The following SATB2 variants were observed in gnomAD, a reference collection of about 807,000 sequenced individuals.
SATB2 encodes the protein SATB homeobox 2.
SATB2 carries 1 observed loss-of-function variant against 73.4 expected under a neutral mutation model. That is an observed-to-expected ratio of 0.01 (90% CI 0.00 to 0.06). The LOEUF is 0.06. Ranked by LOEUF, SATB2 falls within the 10% of genes least tolerant of loss-of-function variation. SATB2 has a pLI of 1.00. For missense variants in SATB2, 459 were observed against 945.8 expected, an observed-to-expected ratio of 0.49 and a Z score of 6.75; for synonymous variants, 397 against 367.0, an observed-to-expected ratio of 1.08 and a Z score of -0.93.
chr2:199,323,476 T>TACACACAC (rs1553546876), intron 9 of SATB2, among the ~76,000 whole-genome samples: 7 of 142,846 alleles, frequency 4.9e-5, no homozygotes, highest in South Asian at 2.3e-4. Context: ...GTTTTGTTCA[T>TACACACAC]ACACACACAC....
intron 2 of SATB2, among the ~76,000 whole-genome samples, chr2:199,442,934 C>G (rs371450257): frequency 7.4e-6 from 1 of 134,506 alleles, no homozygotes; most frequent in East Asian, 2.0e-4. Flanking sequence ...GACTCGACCA[C>G]ATGTTAAAAA....
intron 6 of SATB2, among the ~76,000 whole-genome samples, chr2:199,354,145 A>C (rs551386948): frequency 1.3e-5 from 2 of 152,168 alleles, no homozygotes; most frequent in Admixed American, 1.3e-4. Flanking sequence ...ATCACTTGAG[A>C]TCAGGAGTTC....
intron 10 of SATB2, among the ~76,000 whole-genome samples, chr2:199,273,727 G>T (rs1431269599): frequency 6.6e-6 from 1 of 151,584 alleles, no homozygotes; most frequent in Non-Finnish European, 1.5e-5. Context: ...TAATTTCTGG[G>T]TTTTTTTTCT....
rs955377212 is a variant in SATB2 at position 199,456,209 on chromosome 2, C to G, written c.-59-113G>C. On this transcript the variant is annotated intron_variant, in intron 1 of 10. Coordinates refer to ENST00000417098, the MANE Select transcript of SATB2 (RefSeq NM_001172509.2). ...GAGCGCTGCACCACAGCCACACAAA[C>G]TTCCTCCCACGCTGCCCGAGGGGCC... is the stretch of plus-strand genomic sequence containing the variant. 4.2e-6 allele frequency: 3 copies of G among 711,830 alleles called. No homozygotes were observed. The African/African-American group carries it at 5.3e-5, about 12-fold the overall frequency. 44.1% of individuals were successfully genotyped at this position (711,830 alleles called of 1,614,324 possible).
chr2:199,342,426 TAAA>T (rs532281689), intron 7 of SATB2, among the ~76,000 whole-genome samples: 2 of 122,368 alleles, frequency 1.6e-5, no homozygotes, highest in African/African-American at 3.0e-5. Flanking sequence ...AAAGACTAGC[TAAA>T]AAAAAAAAAA....
rs114124633 is a variant in SATB2 at position 199,413,555 on chromosome 2, C to T, written c.346+19783G>A. ...ACAGTGCTCCTTACCTACCCAATGT[C>T]CACTTTTCCTACTAGAGAGTCGCTT... On this transcript the variant is annotated intron_variant, in intron 3 of 10. Coordinates refer to ENST00000417098, the MANE Select transcript of SATB2 (RefSeq NM_001172509.2). 7.7e-3 allele frequency among the ~76,000 whole-genome samples: 1,172 copies of T among 151,440 alleles called. 9 individuals carry two copies. Among genetic ancestry groups the T allele is most frequent in the Non-Finnish European group, 0.013 (860 of 67,954 alleles).
chr2:199,295,656 C>CT (rs1334720260), intron 10 of SATB2, among the ~76,000 whole-genome samples: 1 of 152,190 alleles, frequency 6.6e-6, no homozygotes, highest in African/African-American at 2.4e-5. Context: ...GACTTGCTCA[C>CT]TGAATCCCTT....
intron 3 of SATB2, among the ~76,000 whole-genome samples, chr2:199,403,993 G>A (rs1690561103): frequency 6.6e-6 from 1 of 152,250 alleles, no homozygotes; most frequent in South Asian, 2.1e-4. Context: ...AGAAAGAGTA[G>A]GTAATGCAAA....
intron 10 of SATB2, among the ~76,000 whole-genome samples, chr2:199,292,393 C>A (rs1324716435): frequency 6.6e-6 from 1 of 152,156 alleles, no homozygotes; most frequent in Non-Finnish European, 1.5e-5. Context: ...TTACTCTCCC[C>A]GAATCTGGGC....
chr2:199,428,159 A>G (rs1691391444), intron 3 of SATB2, among the ~76,000 whole-genome samples: 1 of 152,198 alleles, frequency 6.6e-6, no homozygotes, highest in African/African-American at 2.4e-5. Context: ...TTTTGGTCAC[A>G]TAAGCAAGAA....
chr2:199,452,996 A>G (rs762005397), intron 2 of SATB2, among the ~76,000 whole-genome samples: 40 of 152,228 alleles, frequency 2.6e-4, no homozygotes, highest in Non-Finnish European at 4.7e-4. Flanking sequence ...ACAACCTTAA[A>G]GACAGTGACA....
chr2:199,402,517 C>T (rs902180102), intron 3 of SATB2, among the ~76,000 whole-genome samples: 3 of 152,056 alleles, frequency 2.0e-5, no homozygotes, highest in Non-Finnish European at 2.9e-5. Context: ...AGATCGAGAT[C>T]GTAGCACTGC....
intron 3 of SATB2, among the ~76,000 whole-genome samples, chr2:199,394,835 G>A (rs900648351): frequency 6.6e-6 from 1 of 151,822 alleles, no homozygotes; most frequent in Non-Finnish European, 1.5e-5. Flanking sequence ...TAACTTAAGT[G>A]GTGTTTCATT....
chr2:199,423,447 C>T (rs914446250), intron 3 of SATB2, among the ~76,000 whole-genome samples: 34 of 151,930 alleles, frequency 2.2e-4, no homozygotes, highest in African/African-American at 7.2e-4. Context: ...AATTCAACCA[C>T]CTATCTTTCA....
chr2:199,349,257 CT>C lies in SATB2; in HGVS notation c.701-85del, dbSNP rs551217872. On this transcript the variant is annotated intron_variant, in intron 6 of 10. Coordinates refer to ENST00000417098, the MANE Select transcript of SATB2 (RefSeq NM_001172509.2). ...ATATATGTAGAACTGAATTATCATACTTTTGGCATGTTAATAATATAAACAT... is the reference window on the plus strand; with the variant it reads ...ATATATGTAGAACTGAATTATCATACTTTGGCATGTTAATAATATAAACAT... 7.4e-5 allele frequency: 80 copies of C among 1,080,152 alleles called. No individual in the cohort carries two copies. In the African/African-American group the frequency reaches 1.1e-3, roughly 15 times the overall value. 66.9% of individuals were successfully genotyped at this position (1,080,152 alleles called of 1,614,324 possible).
At chr2:199,354,737 C>G (rs1688921718) in intron 6 of SATB2, among the ~76,000 whole-genome samples, 1 of 152,116 alleles carries the variant, frequency 6.6e-6, no homozygotes, top group Non-Finnish European at 1.5e-5. Context: ...CTTCAAGTTT[C>G]CTGGGACTGA....
chr2:199,417,056 A>T (rs1286472623), intron 3 of SATB2, among the ~76,000 whole-genome samples: 2 of 151,214 alleles, frequency 1.3e-5, no homozygotes, highest in African/African-American at 4.9e-5. Context: ...ACACACACAC[A>T]CACACACACA....
intron 10 of SATB2, among the ~76,000 whole-genome samples, chr2:199,288,241 C>A (rs1038536624): frequency 6.6e-6 from 1 of 152,090 alleles, no homozygotes; most frequent in Admixed American, 6.6e-5. Flanking sequence ...AAAGCAGATA[C>A]CCAGTTTCAT....
intron 10 of SATB2, among the ~76,000 whole-genome samples, chr2:199,279,778 AT>A (rs1328929626): frequency 1.3e-5 from 2 of 152,286 alleles, no homozygotes; most frequent in East Asian, 3.9e-4. Flanking sequence ...ATTTTACCTC[AT>A]TTTTTAGAAC....
Sources: allele counts gnomAD v4.1 joint callset (sites outside exome capture counted in the v4.1 genomes callset), GRCh38; gene constraint gnomAD v4.1.1; transcripts MANE v1.5; gene names NCBI Gene and HGNC (gene_info 2026-07-23, HGNC 2026-07-21).